Variants in ZNF676 observed in about 807,000 individuals in gnomAD.
ZNF676 encodes the protein zinc finger protein 676.
In ZNF676, 4 loss-of-function variants were observed where a neutral mutation model predicts 6.0. The observed-to-expected ratio is 0.67, with a 90% confidence interval of 0.33 to 1.53. The LOEUF (loss-of-function observed/expected upper bound fraction) is 1.53. ZNF676 is among the 40% of genes most tolerant of loss of function. The probability of loss-of-function intolerance (pLI) is 0.06; values close to 1 mark genes in which losing one functional copy is unlikely to be tolerated. For synonymous variants in ZNF676, 198 were observed against 223.1 expected, an observed-to-expected ratio of 0.89 and a Z score of 1.00; for missense variants, 644 against 679.7, an observed-to-expected ratio of 0.95 and a Z score of 0.58.
chr19:22,210,748 G>C (rs1170272717), intron 1 of ZNF676, among the ~76,000 whole-genome samples: 1 of 152,056 alleles, frequency 6.6e-6, no homozygotes, highest in East Asian at 1.9e-4. Flanking sequence ...AGCTGTATTT[G>C]TCTTCAGTGG....
At chr19:22,218,844 G>A (rs114011722), upstream of ZNF676, among the ~76,000 whole-genome samples, 2,819 of 152,096 alleles carry the variant, frequency 0.019, 83 homozygotes, top group African/African-American at 0.064. Context: ...CCCATACAAT[G>A]CTGTTTTGGT....
intron 1 of ZNF676, among the ~76,000 whole-genome samples, chr19:22,213,052 C>T (rs545143504): frequency 7.2e-5 from 11 of 152,176 alleles, no homozygotes; most frequent in African/African-American, 2.2e-4. Context: ...ATCATTTAAT[C>T]GTTTCAAGGT....
chr19:22,240,986 T>C, the ZNF676 span, among the ~76,000 whole-genome samples: 1 of 151,946 alleles, frequency 6.6e-6, no homozygotes, highest in Non-Finnish European at 1.5e-5. Flanking sequence ...CAGTGCAATA[T>C]GTCAAAATAG....
At chr19:22,231,258 C>T in the ZNF676 span, among the ~76,000 whole-genome samples, 1 of 150,632 alleles carries the variant, frequency 6.6e-6, no homozygotes, top group Admixed American at 6.6e-5. Context: ...AAAGTAAAAG[C>T]ATATCAGTAC....
chr19:22,259,989 CA>C, the ZNF676 span, among the ~76,000 whole-genome samples: 2,255 of 152,294 alleles, frequency 0.015, 47 homozygotes, highest in African/African-American at 0.051. Flanking sequence ...TGATATGCCG[CA>C]ATCCAATTTG....
chr19:22,252,640 C>A, the ZNF676 span, among the ~76,000 whole-genome samples: 6 of 152,182 alleles, frequency 3.9e-5, no homozygotes, highest in African/African-American at 1.4e-4. Flanking sequence ...GTTACAATGC[C>A]TTCTGTAGGC....
chr19:22,260,127 C>A, the ZNF676 span, among the ~76,000 whole-genome samples: 1 of 152,214 alleles, frequency 6.6e-6, no homozygotes, highest in South Asian at 2.1e-4. Flanking sequence ...CCCCAGGTCC[C>A]GGCCAGATTC....
chr19:22,196,941 G>A lies in ZNF676; in HGVS notation c.-308C>T. 5 of 491,672 alleles carry A rather than the reference G, an allele frequency of 1.0e-5. No individual in the cohort carries two copies. Among genetic ancestry groups the A allele is most frequent in the Non-Finnish European group, 1.1e-5 (3 of 281,650 alleles). 30.5% of individuals were successfully genotyped at this position (491,672 alleles called of 1,614,324 possible). Reference sequence around the variant, plus strand: ...GTGGTATAAGATCCATAACATCTGTGTATATGTAATATTTTTCTAGATAAT... The same window carrying A: ...GTGGTATAAGATCCATAACATCTGTATATATGTAATATTTTTCTAGATAAT... On this transcript the variant is annotated 5_prime_UTR_variant, in exon 1 of 3. Transcript: ENST00000397121.
chr19:22,204,009 T>C (rs2024052135), intron 1 of ZNF676: 2 of 152,240 alleles, frequency 1.3e-5, no homozygotes, highest in Admixed American at 6.5e-5. Context: ...CACTTTTTTA[T>C]AAAAAATTGA....
At chr19:22,181,948 A>G (rs944323443) in intron 2 of ZNF676, among the ~76,000 whole-genome samples, 1 of 151,442 alleles carries the variant, frequency 6.6e-6, no homozygotes, top group African/African-American at 2.4e-5. Context: ...TTTTTTAAGG[A>G]AAGTAAAATA....
rs770430021 is a variant in ZNF676, at chr19:22,181,520, A to AT, written c.196dup (p.Met66AsnfsTer7). 3.7e-6 allele frequency: 6 copies of AT among 1,611,268 alleles called. No individual in the cohort carries two copies. The highest frequency in any genetic ancestry group is 5.1e-6 in the Non-Finnish European group (6 of 1,178,974). On this transcript the variant is annotated frameshift_variant, in exon 3 of 3. Transcript: ENST00000397121. LOFTEE classifies it low-confidence loss of function (END_TRUNC). ...ACATTTGTCATATCTTCTCAATATC[A>AT]TTTTTTGGAAAGAATCTTCTATGCC...
upstream of ZNF676, among the ~76,000 whole-genome samples, chr19:22,220,461 G>GT (rs58810797): frequency 0.044 from 5,116 of 115,350 alleles, 290 homozygotes; most frequent in African/African-American, 0.15. Context: ...TTTGTTGGCA[G>GT]TTTTTTTTTT....
chr19:22,235,993 A>G, the ZNF676 span, among the ~76,000 whole-genome samples: 1 of 150,756 alleles, frequency 6.6e-6, no homozygotes, highest in Non-Finnish European at 1.5e-5. Flanking sequence ...TAAGCTTACG[A>G]TAATCCACTG....
chr19:22,257,239 C>G, the ZNF676 span, among the ~76,000 whole-genome samples: 8 of 152,248 alleles, frequency 5.3e-5, no homozygotes, highest in African/African-American at 1.9e-4. Flanking sequence ...ACCTGGTTGC[C>G]AGACCCAGTC....
intron 2 of ZNF676, 151 bp from the exon 3 acceptor site, chr19:22,181,737 T>C (rs1344165115): frequency 1.7e-6 from 1 of 585,932 alleles, no homozygotes; most frequent in African/African-American, 1.9e-5. Context: ...TATATAAATG[T>C]AATAAAAACA....
intron 1 of ZNF676, among the ~76,000 whole-genome samples, chr19:22,202,258 T>A (rs572703194): frequency 4.8e-5 from 6 of 124,820 alleles, no homozygotes; most frequent in Non-Finnish European, 9.9e-5. Context: ...TGAATCAGTT[T>A]CAGGTCTGAA....
At chr19:22,201,842 A>T (rs1429636063), upstream of ZNF676, among the ~76,000 whole-genome samples, 2 of 151,784 alleles carry the variant, frequency 1.3e-5, no homozygotes, top group African/African-American at 2.4e-5. Flanking sequence ...TTGATTGCAT[A>T]TACATCAAGG....
At chr19:22,204,527 T>C (rs1032436499) in intron 1 of ZNF676, among the ~76,000 whole-genome samples, 5 of 152,198 alleles carry the variant, frequency 3.3e-5, no homozygotes, top group African/African-American at 1.2e-4. Flanking sequence ...GCAACCCAAG[T>C]ACAACAGACT....
chr19:22,183,714 A>T (rs1349515400), intron 2 of ZNF676, among the ~76,000 whole-genome samples: 1 of 152,206 alleles, frequency 6.6e-6, no homozygotes, highest in Non-Finnish European at 1.5e-5. Flanking sequence ...TGTTAAAAAG[A>T]CTCAAAGTGG....
Sources: gnomAD v4.1 joint callset for allele counts (sites outside exome capture counted in the v4.1 genomes callset) on GRCh38, gnomAD v4.1.1 for gene constraint, MANE v1.5 for transcripts, NCBI Gene and HGNC (gene_info 2026-07-23, HGNC 2026-07-21) for gene names.